The following MACROD2 variants were observed in gnomAD, a reference collection of about 807,000 sequenced individuals.
MACROD2 encodes the protein ADP-ribose glycohydrolase MACROD2.
A neutral mutation model predicts 70.4 loss-of-function variants in MACROD2; 36 were observed. The observed-to-expected ratio is 0.51, with a 90% CI of 0.39 to 0.68. The LOEUF (loss-of-function observed/expected upper bound fraction) is 0.68, where lower values mean the gene tolerates loss of function less well. MACROD2 is among the 30% of genes least tolerant of loss of function. The pLI is 0.00. For missense variants in MACROD2, 496 were observed against 538.4 expected (o/e 0.92, Z 0.78); for synonymous variants, 172 against 178.8 (o/e 0.96, Z 0.30).
intron 3 of MACROD2, among the ~76,000 whole-genome samples, chr20:14,467,399 G>C (rs6042748): frequency 1.3e-5 from 2 of 152,226 alleles, no homozygotes; most frequent in African/African-American, 2.4e-5. Flanking sequence ...GCAGTATTAA[G>C]GTGGGAGTGA....
intron 5 of MACROD2, among the ~76,000 whole-genome samples, chr20:15,205,377 A>T (rs2076692730): frequency 1.3e-5 from 2 of 148,730 alleles, no homozygotes; most frequent in Admixed American, 1.3e-4. Context: ...ATCACACTTC[A>T]GGGGCTTCTA....
intron 4 of MACROD2, among the ~76,000 whole-genome samples, chr20:14,571,549 A>G (rs1980191755): frequency 6.6e-6 from 1 of 152,094 alleles, no homozygotes; most frequent in Non-Finnish European, 1.5e-5. Context: ...GTTTTCTGAA[A>G]TATCATTTTG....
intron 5 of MACROD2, among the ~76,000 whole-genome samples, chr20:15,023,900 T>C (rs182092994): frequency 1.8e-4 from 27 of 152,246 alleles, no homozygotes; most frequent in African/African-American, 5.5e-4. Flanking sequence ...CTGAACTCCA[T>C]GAACTGTGGT....
chr20:14,046,674 T>G lies in MACROD2; in HGVS notation c.164-38947T>G, dbSNP rs1189308232. On this transcript the variant is annotated intron_variant, in intron 2 of 17. Coordinates refer to ENST00000684519, the MANE Select transcript of MACROD2 (RefSeq NM_001351661.2). ...TGATCTGTCTCTGTACGTCATCACT[T>G]TGTTCATCTTCCTTTTTCCCCTTTA... is the stretch of plus-strand genomic sequence containing the variant. Among the ~76,000 whole-genome samples the G allele has an allele frequency of 3.3e-5, 5 of 152,220 alleles. No homozygotes were observed. In the East Asian group the frequency reaches 9.7e-4, roughly 29 times the overall value.
intron 8 of MACROD2, among the ~76,000 whole-genome samples, chr20:15,514,831 G>C (rs1297961021): frequency 1.3e-5 from 2 of 152,170 alleles, no homozygotes; most frequent in African/African-American, 2.4e-5. Flanking sequence ...AATGGCAGTT[G>C]AGTTTTTAAT....
At chr20:15,119,105 AT>A (rs1418642470) in intron 5 of MACROD2, among the ~76,000 whole-genome samples, 2 of 152,076 alleles carry the variant, frequency 1.3e-5, no homozygotes, top group African/African-American at 2.4e-5. Flanking sequence ...TCTGTTGCCT[AT>A]AACAATCGGA....
intron 6 of MACROD2, among the ~76,000 whole-genome samples, chr20:15,335,979 C>T (rs2146199123): frequency 6.6e-6 from 1 of 151,728 alleles, no homozygotes; most frequent in South Asian, 2.1e-4. Flanking sequence ...CCCAGTTTGT[C>T]CTTCACTTAG....
chr20:15,340,243 A>AT (rs1192026457), intron 6 of MACROD2, among the ~76,000 whole-genome samples: 2 of 147,128 alleles, frequency 1.4e-5, no homozygotes, highest in Admixed American at 7.0e-5. Context: ...GGTTCAAGCA[A>AT]TTCTCTGCCT....
chr20:15,980,179 G>A (rs1325770612), intron 13 of MACROD2, among the ~76,000 whole-genome samples: 1 of 151,966 alleles, frequency 6.6e-6, no homozygotes, highest in Non-Finnish European at 1.5e-5. Flanking sequence ...CGGTTTCTAA[G>A]TTATGAGTTG....
intron 8 of MACROD2, among the ~76,000 whole-genome samples, chr20:15,577,987 A>C (rs1416502976): frequency 6.6e-6 from 1 of 152,224 alleles, no homozygotes; most frequent in African/African-American, 2.4e-5. Context: ...AGCAACACAG[A>C]ATCTGTCTCT....
At chr20:14,384,252 G>A (rs1048923007) in intron 3 of MACROD2, among the ~76,000 whole-genome samples, 4 of 152,066 alleles carry the variant, frequency 2.6e-5, no homozygotes, top group Non-Finnish European at 5.9e-5. Flanking sequence ...TGGGAAATGA[G>A]TTTTTTATTC....
intron 8 of MACROD2, among the ~76,000 whole-genome samples, chr20:15,833,335 C>T (rs2064078573): frequency 6.6e-6 from 1 of 152,188 alleles, no homozygotes; most frequent in African/African-American, 2.4e-5. Context: ...CTTCTTTCTT[C>T]AATTCAGTTC....
chr20:15,802,134 T>A (rs1263762761), intron 8 of MACROD2, among the ~76,000 whole-genome samples: 1 of 152,136 alleles, frequency 6.6e-6, no homozygotes, highest in Non-Finnish European at 1.5e-5. Context: ...TAAGATCATA[T>A]CATCTGTGGG....
intron 5 of MACROD2, among the ~76,000 whole-genome samples, chr20:14,713,219 A>G (rs565800302): frequency 4.5e-4 from 69 of 152,240 alleles, no homozygotes; most frequent in African/African-American, 1.6e-3. Context: ...TTTAATACCA[A>G]TGACCAGACA....
At chr20:15,031,317 G>T (rs889212058) in intron 5 of MACROD2, among the ~76,000 whole-genome samples, 1 of 152,160 alleles carries the variant, frequency 6.6e-6, no homozygotes, top group Non-Finnish European at 1.5e-5. Flanking sequence ...TCTCCTTCCC[G>T]TCGCTGGCAA....
intron 5 of MACROD2, among the ~76,000 whole-genome samples, chr20:14,791,209 C>T (rs979225351): frequency 6.6e-6 from 1 of 152,010 alleles, no homozygotes; most frequent in Non-Finnish European, 1.5e-5. Context: ...TTTAAATATA[C>T]TATGTTGAAT....
intron 3 of MACROD2, among the ~76,000 whole-genome samples, chr20:14,160,165 T>C (rs1431766013): frequency 6.6e-6 from 1 of 152,196 alleles, no homozygotes; most frequent in Non-Finnish European, 1.5e-5. Flanking sequence ...TCATTAAAGA[T>C]ACTGCCTGTG....
chr20:14,423,755 A>ATTTTTTTTTTTTTTTTTTTTTTTTTTTT (rs1165796772), intron 3 of MACROD2, among the ~76,000 whole-genome samples: 1 of 63,088 alleles, frequency 1.6e-5, no homozygotes, highest in African/African-American at 5.8e-5. Context: ...GACATCTTAA[A>ATTTTTTTTTTTTTTTTTTTTTTTTTTTT]TTTTTTTTTT....
intron 4 of MACROD2, among the ~76,000 whole-genome samples, chr20:14,523,136 G>A (rs2085189245): frequency 1.3e-5 from 2 of 151,936 alleles, no homozygotes; most frequent in South Asian, 2.1e-4. Context: ...AAAGACGCTG[G>A]CATGTTTCTG....
Sources: allele counts gnomAD v4.1 joint callset (sites outside exome capture counted in the v4.1 genomes callset), GRCh38; gene constraint gnomAD v4.1.1; transcripts MANE v1.5; gene names NCBI Gene and HGNC (gene_info 2026-07-23, HGNC 2026-07-21).